Variants in ADAMTS18 observed in about 807,000 individuals in gnomAD.
The protein encoded by ADAMTS18 is A disintegrin and metalloproteinase with thrombospondin motifs 18.
ADAMTS18 carries 157 observed loss-of-function variants against 165.9 expected under a neutral mutation model. The ratio of observed to expected loss-of-function variants is 0.95; its 90% CI spans 0.83 to 1.08. ADAMTS18 has a LOEUF of 1.08. Ranked by LOEUF, ADAMTS18 falls within the 50% of genes least tolerant of loss-of-function variation. The pLI, the probability that ADAMTS18 is intolerant of heterozygous loss-of-function variation, is 0.00. For synonymous variants in ADAMTS18, 782 were observed against 578.2 expected (o/e 1.35, Z -5.06); for missense variants, 2,040 against 1,534.0 (o/e 1.33, Z -5.51).
intron 3 of ADAMTS18, among the ~76,000 whole-genome samples, chr16:77,385,604 C>G (rs1420235343): frequency 4.6e-5 from 7 of 152,216 alleles, no homozygotes; most frequent in East Asian, 1.9e-4. Flanking sequence ...TCCCTTGGAA[C>G]TGACAGCATT....
intron 3 of ADAMTS18, among the ~76,000 whole-genome samples, chr16:77,375,633 T>C (rs2056939623): frequency 6.6e-6 from 1 of 152,156 alleles, no homozygotes; most frequent in African/African-American, 2.4e-5. Context: ...AGAGACCAAG[T>C]GGCCTGCTAA....
intron 10 of ADAMTS18, among the ~76,000 whole-genome samples, chr16:77,342,740 A>T (rs1216377527): frequency 2.6e-5 from 4 of 152,238 alleles, no homozygotes; most frequent in Non-Finnish European, 5.9e-5. Context: ...GGATCCTGTG[A>T]ATATGTGAAG....
At chr16:77,303,771 C>T (rs1025732712) in intron 16 of ADAMTS18, among the ~76,000 whole-genome samples, 4 of 152,180 alleles carry the variant, frequency 2.6e-5, no homozygotes, top group Admixed American at 6.5e-5. Context: ...CGGGGGCTCG[C>T]GCCTGTAATC....
At chr16:77,338,489 G>A (rs554693480) in intron 11 of ADAMTS18, among the ~76,000 whole-genome samples, 1 of 151,894 alleles carries the variant, frequency 6.6e-6, no homozygotes, top group South Asian at 2.1e-4. Flanking sequence ...TGCCCGCCGA[G>A]GCCCCCCAAA....
At chr16:77,364,621 GATGGATGGATGA>G (rs920561613) in intron 4 of ADAMTS18, among the ~76,000 whole-genome samples, 12 of 148,168 alleles carry the variant, frequency 8.1e-5, no homozygotes, top group Non-Finnish European at 1.0e-4. Flanking sequence ...GGACAGGATA[GATGGATGGATGA>G]GTGGATGGAT....
chr16:77,314,649 G>GTGTGTGTGTATATATA (rs10527824), intron 16 of ADAMTS18, among the ~76,000 whole-genome samples: 2 of 126,476 alleles, frequency 1.6e-5, no homozygotes, highest in African/African-American at 6.2e-5. Flanking sequence ...GTGTGTGTGT[G>GTGTGTGTGTATATATA]TATATATATA....
chr16:77,291,728 T>A (rs796074231), intron 20 of ADAMTS18, among the ~76,000 whole-genome samples: 1 of 151,956 alleles, frequency 6.6e-6, no homozygotes, highest in South Asian at 2.1e-4. Context: ...CCTCATAAAG[T>A]AAAAAAGGAA....
In ADAMTS18 at chr16:77,282,544, A is replaced by G. The variant is rs1443733688; in HGVS notation, c.*1412T>C. 6.6e-6 allele frequency: 1 copy of G among 152,640 alleles called. No homozygotes were observed. The highest frequency in any genetic ancestry group is 1.5e-5 in the Non-Finnish European group (1 of 68,034). The allele number at this position is 152,640 out of a possible 1,614,324, so 9.5% of individuals were successfully genotyped here. A position where few individuals can be genotyped will look rare whatever the true frequency, so the allele number is the denominator to read the frequency against. ...AATTTAACAAACCACTGTCTAGTTGATTATGCTGAGCTGGCTAATCCAGCT... is the reference window on the plus strand; with the variant it reads ...AATTTAACAAACCACTGTCTAGTTGGTTATGCTGAGCTGGCTAATCCAGCT... On this transcript the variant is annotated 3_prime_UTR_variant, in exon 23 of 23. Coordinates refer to ENST00000282849, the MANE Select transcript of ADAMTS18 (RefSeq NM_199355.4).
At chr16:77,352,054 A>G (rs1394102457) in intron 10 of ADAMTS18, among the ~76,000 whole-genome samples, 2 of 152,202 alleles carry the variant, frequency 1.3e-5, no homozygotes, top group East Asian at 3.8e-4. Flanking sequence ...TTTTTACAGA[A>G]GGCTCACCAG....
intron 3 of ADAMTS18, among the ~76,000 whole-genome samples, chr16:77,409,385 G>A (rs989995299): frequency 4.6e-5 from 7 of 152,136 alleles, no homozygotes; most frequent in Non-Finnish European, 1.0e-4. Context: ...AGAAAATAGA[G>A]ATAAGAAACT....
intron 3 of ADAMTS18, among the ~76,000 whole-genome samples, chr16:77,411,260 A>C (rs147043533): frequency 1.2e-4 from 18 of 152,140 alleles, no homozygotes; most frequent in African/African-American, 3.9e-4. Context: ...ACATATATAT[A>C]TCTCCCGGTC....
intron 13 of ADAMTS18, among the ~76,000 whole-genome samples, 166 bp from the exon 14 acceptor site, chr16:77,322,632 G>T (rs1369209182): frequency 2.6e-5 from 4 of 152,220 alleles, no homozygotes; most frequent in Non-Finnish European, 5.9e-5. Context: ...TTCGAAGCAT[G>T]AGTCCCATGT....
In ADAMTS18 at chr16:77,283,659, G is replaced by T. The variant is rs1471895802; in HGVS notation, c.*297C>A. ...TCAAAAGGGGGTCTCTCCCCAAATC[G>T]ACGTATCTCAGTGTGATTCACCACT... On this transcript the variant is annotated 3_prime_UTR_variant, in exon 23 of 23. Transcript: ENST00000282849. 2.9e-6 allele frequency: 1 copy of T among 347,428 alleles called. No individual in the cohort carries two copies. The highest frequency in any genetic ancestry group is 2.9e-5 in the South Asian group (1 of 34,082). 21.5% of individuals were successfully genotyped at this position (347,428 alleles called of 1,614,324 possible).
chr16:77,305,352 T>C (rs2055662858), intron 16 of ADAMTS18, among the ~76,000 whole-genome samples: 2 of 152,192 alleles, frequency 1.3e-5, no homozygotes, highest in South Asian at 4.1e-4. Flanking sequence ...TCTTTCACCC[T>C]GTTCTTAAAA....
intron 3 of ADAMTS18, among the ~76,000 whole-genome samples, chr16:77,413,740 G>A (rs2057494405): frequency 7.0e-6 from 1 of 143,842 alleles, no homozygotes; most frequent in Non-Finnish European, 1.5e-5. Context: ...TAGCTATTTA[G>A]TATAACTAAG....
chr16:77,384,996 G>A (rs372713485), intron 3 of ADAMTS18, among the ~76,000 whole-genome samples: 3 of 149,996 alleles, frequency 2.0e-5, no homozygotes, highest in South Asian at 4.2e-4. Context: ...TGCAACCTCC[G>A]CTTCCCAGGT....
chr16:77,286,406 C>T (rs1357652481), intron 22 of ADAMTS18, among the ~76,000 whole-genome samples: 1 of 152,130 alleles, frequency 6.6e-6, no homozygotes, highest in Non-Finnish European at 1.5e-5. Flanking sequence ...GGGAGCCGTG[C>T]CTGTTTATTT....
At chr16:77,365,584 T>G (rs2056781427) in intron 4 of ADAMTS18, among the ~76,000 whole-genome samples, 1 of 152,210 alleles carries the variant, frequency 6.6e-6, no homozygotes, top group African/African-American at 2.4e-5. Flanking sequence ...GTTAACAGAA[T>G]GGATACTGGC....
intron 3 of ADAMTS18, among the ~76,000 whole-genome samples, chr16:77,400,486 T>C (rs1284369815): frequency 1.7e-5 from 1 of 59,884 alleles, no homozygotes; most frequent in Admixed American, 1.4e-4. Flanking sequence ...GTGTGTTTTG[T>C]TTTTTTTTTT....
Sources: allele counts gnomAD v4.1 joint callset (sites outside exome capture counted in the v4.1 genomes callset), GRCh38; gene constraint gnomAD v4.1.1; transcripts MANE v1.5; gene names NCBI Gene and HGNC (gene_info 2026-07-23, HGNC 2026-07-21).